TPD52L2: variants seen among roughly 807,000 people sequenced by gnomAD.
The protein encoded by TPD52L2 is TPD52 like 2.
TPD52L2 carries 19 observed loss-of-function variants against 24.7 expected under a neutral mutation model. The ratio of observed to expected loss-of-function variants is 0.77; its 90% CI spans 0.54 to 1.13. The LOEUF (loss-of-function observed/expected upper bound fraction) is 1.13, where lower values mean the gene tolerates loss of function less well. Ranked by LOEUF, TPD52L2 falls within the 50% of genes most tolerant of loss-of-function variation. TPD52L2 has a pLI of 0.00. For synonymous variants in TPD52L2, 104 were observed against 100.2 expected, an observed-to-expected ratio of 1.04 and a Z score of -0.23; for missense variants, 236 against 250.4, an observed-to-expected ratio of 0.94 and a Z score of 0.39.
intron 4 of TPD52L2, among the ~76,000 whole-genome samples, chr20:63,881,234 G>A (rs940987009): frequency 4.6e-5 from 7 of 152,148 alleles, no homozygotes; most frequent in African/African-American, 1.4e-4. Context: ...GGTGGTGGGT[G>A]CCTGTAATCC....
intron 2 of TPD52L2, among the ~76,000 whole-genome samples, chr20:63,870,150 T>G (rs1471615915): frequency 6.6e-6 from 1 of 152,232 alleles, no homozygotes; most frequent in Non-Finnish European, 1.5e-5. Context: ...AAACTTCTTT[T>G]CTAAAAAGTA....
At chr20:63,866,004 C>T (rs958289931) in intron 1 of TPD52L2, among the ~76,000 whole-genome samples, 1 of 152,188 alleles carries the variant, frequency 6.6e-6, no homozygotes, top group African/African-American at 2.4e-5. Flanking sequence ...CACTGAGGGG[C>T]GTGGAGCGAG....
chr20:63,865,280 G>C lies in TPD52L2; in HGVS notation c.-86G>C. 1 of 1,433,828 alleles carries C rather than the reference G, an allele frequency of 7.0e-7. No individual in the cohort carries two copies. The highest frequency in any genetic ancestry group is 2.5e-5 in the Admixed American group (1 of 39,986). The allele number at this position is 1,433,828 out of a possible 1,614,324, so 88.8% of individuals were successfully genotyped here. A position where few individuals can be genotyped will look rare whatever the true frequency, so the allele number is the denominator to read the frequency against. On this transcript the variant is annotated 5_prime_UTR_variant, in exon 1 of 7. Transcript: ENST00000346249. The stretch of plus-strand genomic sequence containing the variant: ...CCGCGGAGCTGAGGCAGTTCCGCTG[G>C]CTAGTGTGTACGCGGCGAGCTTCTC...
chr20:63,869,739 G>T (rs2052391103), intron 2 of TPD52L2, among the ~76,000 whole-genome samples: 1 of 152,220 alleles, frequency 6.6e-6, no homozygotes, highest in Non-Finnish European at 1.5e-5. Context: ...GCAGCCATCT[G>T]CTGGGAGTGT....
In TPD52L2 at chr20:63,869,408, T is replaced by C; in HGVS notation, c.132T>C (p.Ala44=). The change falls in exon 2 of 7, where the codon GCT becomes GCC. Residue 44 remains alanine (A), a synonymous_variant. Coordinates refer to ENST00000346249, the MANE Select transcript of TPD52L2 (RefSeq NM_003288.4). ...CTGCTGTTGAGGGTCTGACAGAGGCTGAGGAGGAGGAGCTCAGGGCTGAGC... is the reference window on the plus strand; with the variant it reads ...CTGCTGTTGAGGGTCTGACAGAGGCCGAGGAGGAGGAGCTCAGGGCTGAGC... ...RTPAVEGLTE[A]EEEELRAELT... 1 of 1,614,202 alleles carries C rather than the reference T, an allele frequency of 6.2e-7. No individual in the cohort carries two copies. Among genetic ancestry groups the C allele is most frequent in the Non-Finnish European group, 8.5e-7 (1 of 1,180,022 alleles).
At position 63,889,934 on chromosome 20, in the gene TPD52L2, G is replaced by A. The variant is rs769017990; in HGVS notation, c.610G>A (p.Ala204Thr). 36 of 1,614,000 alleles carry A rather than the reference G, an allele frequency of 2.2e-5. No individual in the cohort carries two copies. The highest frequency in any genetic ancestry group is 2.0e-4 in the East Asian group (9 of 44,896). Residue 204 changes from alanine (A) to threonine (T), a missense_variant, in exon 7 of 7, where the codon GCA becomes ACA. Transcript: ENST00000346249. ...TGGTGACAAGCCCCTGTCGGATCCC[G>A]CACCTTTCTAAGCCTGTGGTTGCTT... is the stretch of plus-strand genomic sequence containing the variant. ...GSGDKPLSDP[A>T]PF
Position 63,877,563 on chromosome 20 carries a change from C to T in TPD52L2, c.374+1688C>T, listed in dbSNP as rs189049052. Reference sequence around the variant, plus strand: ...CTAGGTTGGGACAGTGACGGTCATCCTTGCAGTTTGGGCATCAGGCGGACG... The same window carrying T: ...CTAGGTTGGGACAGTGACGGTCATCTTTGCAGTTTGGGCATCAGGCGGACG... On this transcript the variant is annotated intron_variant, in intron 4 of 6. Coordinates refer to ENST00000346249, the MANE Select transcript of TPD52L2 (RefSeq NM_003288.4). This position sits in a 1 kb window ranked among gnomAD's most constrained non-coding sequence, Gnocchi z 4.1. 6.6e-4 allele frequency among the ~76,000 whole-genome samples: 101 copies of T among 152,306 alleles called. No individual in the cohort carries two copies. Among genetic ancestry groups the T allele is most frequent in the African/African-American group, 2.3e-3 (96 of 41,566 alleles).
At position 63,869,366 on chromosome 20, in the gene TPD52L2, T is replaced by G; in HGVS notation, c.90T>G (p.Gly30=). 1 of 1,614,204 alleles carries G rather than the reference T, an allele frequency of 6.2e-7. No homozygotes were observed. The highest frequency in any genetic ancestry group is 8.5e-7 in the Non-Finnish European group (1 of 1,180,032). The change falls in exon 2 of 7, where the codon GGT becomes GGG. Residue 30 remains glycine, a synonymous_variant. Coordinates refer to ENST00000346249, the MANE Select transcript of TPD52L2 (RefSeq NM_003288.4). ...TGACGGATGTTCCTGTCGACACAGG[T>G]GTGGCTGCCCGGACTCCTGCTGTTG... The part of the protein sequence containing the change: ...DSMTDVPVDT[G]VAARTPAVEG...
chr20:63,889,275 G>A, intron 6 of TPD52L2, 37 bp downstream of exon 6: 1 of 1,575,864 alleles, frequency 6.3e-7, no homozygotes, highest in Non-Finnish European at 8.7e-7. Context: ...TCTTGGCAAG[G>A]TGTGACCTGT....
Position 63,877,060 on chromosome 20 carries a change from C to T in TPD52L2, c.374+1185C>T, listed in dbSNP as rs553416256. On this transcript the variant is annotated intron_variant, in intron 4 of 6. Coordinates refer to ENST00000346249, the MANE Select transcript of TPD52L2 (RefSeq NM_003288.4). The surrounding 1 kb of genome is among the most constrained non-coding windows in gnomAD (Gnocchi z 4.1). ...TTTTTTTTTGAGACAACGTCTCGTT[C>T]TGTCTCCCAGGCTGGAGTGCAGTGG... The T allele has an allele frequency of 5.5e-5, 24 of 438,330 alleles. No individual in the cohort carries two copies. Among genetic ancestry groups the T allele is most frequent in the South Asian group, 3.1e-4 (19 of 60,984 alleles). The allele number at this position is 438,330 out of a possible 1,614,324, so 27.2% of individuals were successfully genotyped here. A position where few individuals can be genotyped will look rare whatever the true frequency, so the allele number is the denominator to read the frequency against.
chr20:63,873,584 G>C, intron 2 of TPD52L2, 84 bp from the exon 3 acceptor site: 1 of 1,469,514 alleles, frequency 6.8e-7, no homozygotes. Context: ...GAAAGTTCTT[G>C]TGTAACTCAT....
chr20:63,882,609 C>T, intron 4 of TPD52L2, 110 bp from the exon 5 acceptor site: 1 of 863,848 alleles, frequency 1.2e-6, no homozygotes, highest in Non-Finnish European at 1.9e-6. Context: ...CCCCTTGGCC[C>T]AGCTCCTTTC....
intron 3 of TPD52L2, among the ~76,000 whole-genome samples, 169 bp from the exon 4 acceptor site, chr20:63,875,647 G>A (rs1454292598): frequency 6.6e-6 from 1 of 152,240 alleles, no homozygotes; most frequent in African/African-American, 2.4e-5. Flanking sequence ...GCGGCCTGGG[G>A]CCTGCACAGG....
intron 3 of TPD52L2, among the ~76,000 whole-genome samples, chr20:63,874,592 T>C (rs2052596292): frequency 6.6e-6 from 1 of 152,072 alleles, no homozygotes. Flanking sequence ...TAGGCTGGTC[T>C]CAAATTTCTG....
rs779840415 is a variant in TPD52L2, at chr20:63,865,393, CG to C, written c.19+12del. ...GGACTCCGCCGGCCAAGGTACCTGC[CG>C]GGCCCGGCCCCTTCGCCGCAGATGG... On this transcript the variant is annotated intron_variant, in intron 1 of 6. Transcript: ENST00000346249. 271 of 1,529,472 alleles carry C rather than the reference CG, an allele frequency of 1.8e-4. No homozygotes were observed. The highest frequency in any genetic ancestry group is 2.3e-4 in the Non-Finnish European group (266 of 1,143,546). The allele number at this position is 1,529,472 out of a possible 1,614,324, so 94.7% of individuals were successfully genotyped here.
At chr20:63,885,809 G>A (rs1168911889) in intron 5 of TPD52L2, among the ~76,000 whole-genome samples, 1 of 152,220 alleles carries the variant, frequency 6.6e-6, no homozygotes, top group Non-Finnish European at 1.5e-5. Flanking sequence ...CTCCTGTTGA[G>A]TCAGGACTTG....
intron 4 of TPD52L2, among the ~76,000 whole-genome samples, chr20:63,879,388 CCCT>C (rs1049675830): frequency 2.6e-4 from 40 of 152,218 alleles, no homozygotes; most frequent in African/African-American, 9.4e-4. Flanking sequence ...ACCCTCAGGA[CCCT>C]CCTCCTTGTG....
In TPD52L2 at chr20:63,877,516, T is replaced by C. The variant is rs995918929; in HGVS notation, c.374+1641T>C. On this transcript the variant is annotated intron_variant, in intron 4 of 6. Coordinates refer to ENST00000346249, the MANE Select transcript of TPD52L2 (RefSeq NM_003288.4). The surrounding 1 kb of genome is among the most constrained non-coding windows in gnomAD (Gnocchi z 4.1). ...GTGTCTCGGGCTGTTGAACAGTGAC[T>C]TTGCTGGGCAGCAGATGGTTCCTAG... Among the ~76,000 whole-genome samples, 43 of 152,264 alleles carry C rather than the reference T, an allele frequency of 2.8e-4. No homozygotes were observed. The highest frequency in any genetic ancestry group is 9.9e-4 in the African/African-American group (41 of 41,562).
chr20:63,867,663 T>G (rs1198374648), intron 1 of TPD52L2, among the ~76,000 whole-genome samples: 1 of 152,104 alleles, frequency 6.6e-6, no homozygotes, highest in Non-Finnish European at 1.5e-5. Flanking sequence ...TCCAGTCCTA[T>G]GGGACATTTG....
Sources: allele counts gnomAD v4.1 joint callset (sites outside exome capture counted in the v4.1 genomes callset), GRCh38; gene constraint gnomAD v4.1.1; non-coding constraint Gnocchi (gnomAD v3.1); transcripts MANE v1.5; gene names NCBI Gene and HGNC (gene_info 2026-07-23, HGNC 2026-07-21).